Variants in ESR1 observed in about 807,000 individuals in gnomAD.
ESR1 encodes the protein estrogen receptor.
ESR1 carries 12 observed loss-of-function variants against 52.7 expected under a neutral mutation model. That is an observed-to-expected ratio of 0.23 (90% CI 0.15 to 0.37). The LOEUF (loss-of-function observed/expected upper bound fraction) is 0.37, where lower values mean the gene tolerates loss of function less well. Among genes scored for constraint, ESR1 ranks in the 10% least tolerant of loss-of-function variants. The probability of loss-of-function intolerance (pLI) is 1.00; values close to 1 mark genes in which losing one functional copy is unlikely to be tolerated. For missense variants in ESR1, 584 were observed against 779.7 expected (o/e 0.75, Z 2.99); for synonymous variants, 305 against 316.8 (o/e 0.96, Z 0.39).
rs968856403 is a variant in ESR1, at chr6:152,094,768, A to G, written c.1553+200A>G. 2.6e-5 allele frequency among the ~76,000 whole-genome samples: 4 copies of G among 152,240 alleles called. No homozygotes were observed. The highest frequency in any genetic ancestry group is 9.6e-5 in the African/African-American group (4 of 41,460). On this transcript the variant is annotated intron_variant, in intron 7 of 7. Transcript: ENST00000206249. This position sits in a 1 kb window ranked among gnomAD's most constrained non-coding sequence, Gnocchi z 4.6. ...CTGCGAGGGTCACAGGGCAAGTGTCAGAGAAGGCATAGAGGAAGCGATACT... is the reference window on the plus strand; with the variant it reads ...CTGCGAGGGTCACAGGGCAAGTGTCGGAGAAGGCATAGAGGAAGCGATACT...
At chr6:151,767,893 T>C (rs1016029201) in intron 2 of ESR1, among the ~76,000 whole-genome samples, 2 of 152,164 alleles carry the variant, frequency 1.3e-5, no homozygotes, top group African/African-American at 2.4e-5. Context: ...AGAGCAAACC[T>C]AGAAGGGGCA....
intron 1 of ESR1, among the ~76,000 whole-genome samples, chr6:151,813,673 CTATT>C (rs1779184192): frequency 6.6e-6 from 1 of 152,084 alleles, no homozygotes; most frequent in African/African-American, 2.4e-5. Context: ...CTCCTCTGAA[CTATT>C]TAGAGGGACA....
intron 1 of ESR1, among the ~76,000 whole-genome samples, chr6:151,838,288 A>G (rs1201272205): frequency 6.6e-6 from 1 of 152,246 alleles, no homozygotes; most frequent in Admixed American, 6.5e-5. Context: ...TGTGAAGCTA[A>G]AAATGCCAGG....
intron 2 of ESR1, among the ~76,000 whole-genome samples, chr6:151,775,881 C>A (rs774673336): frequency 6.6e-5 from 10 of 152,132 alleles, no homozygotes; most frequent in Non-Finnish European, 1.3e-4. Context: ...AGCACCAGAA[C>A]TGGGCAGGGC....
chr6:151,795,457 C>T (rs1776602032), intron 2 of ESR1, among the ~76,000 whole-genome samples: 1 of 142,968 alleles, frequency 7.0e-6, no homozygotes, highest in Admixed American at 7.3e-5. Flanking sequence ...CACTGCACTC[C>T]AGCCCAGGCG....
At chr6:151,838,633 T>C (rs1396940413) in intron 1 of ESR1, among the ~76,000 whole-genome samples, 1 of 152,218 alleles carries the variant, frequency 6.6e-6, no homozygotes. Context: ...CGCTCTTGCC[T>C]TTTAGTTTAT....
chr6:151,758,562 AC>A (rs1290592682), intron 2 of ESR1, among the ~76,000 whole-genome samples: 1 of 151,928 alleles, frequency 6.6e-6, no homozygotes, highest in Admixed American at 6.6e-5. Context: ...GGAGTTCGAG[AC>A]CAGCCTGGCC....
intron 4 of ESR1, among the ~76,000 whole-genome samples, chr6:152,007,681 G>A (rs1022987962): frequency 2.0e-5 from 3 of 152,020 alleles, no homozygotes; most frequent in South Asian, 4.2e-4. Context: ...CTACTTTTTC[G>A]ATATGCATTC....
chr6:151,986,674 C>A (rs1245009606), intron 4 of ESR1, among the ~76,000 whole-genome samples: 1 of 152,120 alleles, frequency 6.6e-6, no homozygotes, highest in Non-Finnish European at 1.5e-5. Context: ...GTCCCCTTTT[C>A]TGCCATATTC....
At chr6:151,779,285 G>A (rs1208012257) in intron 2 of ESR1, among the ~76,000 whole-genome samples, 1 of 152,078 alleles carries the variant, frequency 6.6e-6, no homozygotes, top group Non-Finnish European at 1.5e-5. Flanking sequence ...TATAAGGAAG[G>A]GGTCCAGTTT....
At chr6:152,097,349 A>G (rs942744190) in intron 7 of ESR1, among the ~76,000 whole-genome samples, 4 of 152,158 alleles carry the variant, frequency 2.6e-5, no homozygotes, top group African/African-American at 9.7e-5. Flanking sequence ...AGGTTGCACA[A>G]GGAACACAGT....
At chr6:151,692,314 A>G (rs532951786) in intron 1 of ESR1, among the ~76,000 whole-genome samples, 5 of 152,296 alleles carry the variant, frequency 3.3e-5, no homozygotes, top group African/African-American at 1.2e-4. Flanking sequence ...ACATTTTCAC[A>G]TGGTTATCTG....
intron 1 of ESR1, among the ~76,000 whole-genome samples, chr6:151,819,908 C>T (rs1380867149): frequency 5.3e-5 from 8 of 152,242 alleles, no homozygotes; most frequent in Admixed American, 1.3e-4. Flanking sequence ...TATTCATTCA[C>T]TCAGCAAGCA....
At chr6:151,850,352 C>G (rs759210380) in intron 2 of ESR1, among the ~76,000 whole-genome samples, 11 of 145,764 alleles carry the variant, frequency 7.5e-5, no homozygotes, top group Non-Finnish European at 1.2e-4. Flanking sequence ...AATTTGGACA[C>G]AAACACAGAG....
chr6:151,926,185 C>T (rs371137949), intron 3 of ESR1, among the ~76,000 whole-genome samples: 83 of 152,238 alleles, frequency 5.5e-4, no homozygotes, highest in South Asian at 1.7e-3. Flanking sequence ...CTCTGTTTCA[C>T]TAGTCCATCT....
chr6:151,860,586 A>G (rs1788696124), intron 2 of ESR1, among the ~76,000 whole-genome samples: 2 of 152,202 alleles, frequency 1.3e-5, no homozygotes, highest in South Asian at 2.1e-4. Flanking sequence ...CACATACACA[A>G]TGGGATATTA....
chr6:151,764,772 T>A (rs77264746), intron 2 of ESR1, among the ~76,000 whole-genome samples: 71 of 152,368 alleles, frequency 4.7e-4, no homozygotes, highest in Non-Finnish European at 6.0e-4. Flanking sequence ...ATGTTACATT[T>A]ATCCATAATG....
upstream of ESR1, among the ~76,000 whole-genome samples, chr6:151,686,259 G>A (rs1344026905): frequency 6.6e-6 from 1 of 151,848 alleles, no homozygotes; most frequent in South Asian, 2.1e-4. Context: ...CTTGAACTAG[G>A]GCTTTCATAC....
intron 2 of ESR1, among the ~76,000 whole-genome samples, chr6:151,726,617 C>T (rs905000201): frequency 2.6e-5 from 4 of 152,228 alleles, no homozygotes; most frequent in Non-Finnish European, 4.4e-5. Context: ...ATTACAGGCG[C>T]AAGCCACAGC....
Sources: allele counts gnomAD v4.1 joint callset (sites outside exome capture counted in the v4.1 genomes callset), GRCh38; gene constraint gnomAD v4.1.1; non-coding constraint Gnocchi (gnomAD v3.1); transcripts MANE v1.5; gene names NCBI Gene and HGNC (gene_info 2026-07-23, HGNC 2026-07-21).